USP47: variants seen among roughly 807,000 people sequenced by gnomAD.
USP47 encodes the protein ubiquitin carboxyl-terminal hydrolase 47.
USP47 carries 35 observed loss-of-function variants against 165.1 expected under a neutral mutation model. The observed-to-expected ratio is 0.21, with a 90% CI of 0.16 to 0.28. The LOEUF is 0.28. USP47 is among the 10% of genes least tolerant of loss of function. The pLI is 1.00. For synonymous variants in USP47, 531 were observed against 544.5 expected (o/e 0.98, Z 0.35); for missense variants, 1,277 against 1,607.4 (o/e 0.79, Z 3.52).
At chr11:11,950,099 A>T in intron 23 of USP47, 95 bp downstream of exon 23, 1 of 933,702 alleles carries the variant, frequency 1.1e-6, no homozygotes, top group Non-Finnish European at 1.6e-6. Flanking sequence ...GAGAATTAAA[A>T]TTTCCTGTGC....
chr11:11,936,565 A>G, intron 17 of USP47, 55 bp downstream of exon 17: 1 of 1,358,658 alleles, frequency 7.4e-7, no homozygotes, highest in East Asian at 2.4e-5. Flanking sequence ...TTCATGAGAA[A>G]GTTTTTTTTT....
rs186365042 is a variant in USP47, at chr11:11,900,547, T to C, written c.594-2168T>C. ...ACGTGATGGGTTAAATACATTGTTT[T>C]AGGAAAGTTTATATAGTGCAGTGTA... On this transcript the variant is annotated intron_variant, in intron 5 of 27. Transcript: ENST00000527733. Among the ~76,000 whole-genome samples, 306 of 152,304 alleles carry C rather than the reference T, an allele frequency of 2.0e-3. 2 individuals are homozygous for C. The highest frequency in any genetic ancestry group is 7.0e-3 in the African/African-American group (293 of 41,568).
chr11:11,882,381 A>C (rs1347339674), intron 2 of USP47, among the ~76,000 whole-genome samples: 1 of 152,122 alleles, frequency 6.6e-6, no homozygotes, highest in Non-Finnish European at 1.5e-5. Context: ...AAGATGTTTG[A>C]TGTTGCCTGA....
chr11:11,931,874 G>A (rs767063428), intron 14 of USP47, among the ~76,000 whole-genome samples: 10 of 151,972 alleles, frequency 6.6e-5, no homozygotes, highest in South Asian at 2.1e-4. Context: ...AAAAACTTTC[G>A]TAAAAATGAT....
At chr11:11,947,873 G>C in intron 20 of USP47, 72 bp from the exon 21 acceptor site, 9 of 1,461,918 alleles carry the variant, frequency 6.2e-6, no homozygotes, top group Non-Finnish European at 8.3e-6. Context: ...AAAAGTATAT[G>C]ATCTGTTTTA....
chr11:11,848,906 G>C (rs1848577160), intron 1 of USP47, among the ~76,000 whole-genome samples: 1 of 152,112 alleles, frequency 6.6e-6, no homozygotes, highest in Non-Finnish European at 1.5e-5. Flanking sequence ...ACCATGCCCA[G>C]CCGAAACTAG....
chr11:11,930,180 T>A, intron 13 of USP47, 60 bp downstream of exon 13: 1 of 1,442,558 alleles, frequency 6.9e-7, no homozygotes, highest in Non-Finnish European at 9.7e-7. Context: ...CTTCTCAGTG[T>A]TTTTTTATCA....
At chr11:11,938,466 C>T (rs1855232323) in intron 18 of USP47, 94 bp downstream of exon 18, 1 of 831,920 alleles carries the variant, frequency 1.2e-6, no homozygotes, top group Non-Finnish European at 1.9e-6. Context: ...ACATGCTTTA[C>T]CTCCAGGAGC....
At chr11:11,860,280 C>A (rs1404313354) in intron 1 of USP47, among the ~76,000 whole-genome samples, 2 of 151,558 alleles carry the variant, frequency 1.3e-5, no homozygotes, top group Admixed American at 1.3e-4. Context: ...TACCACTGAG[C>A]GGAGGATATA....
At chr11:11,898,325 G>A (rs2134421216) in intron 5 of USP47, among the ~76,000 whole-genome samples, 1 of 151,854 alleles carries the variant, frequency 6.6e-6, no homozygotes, top group South Asian at 2.1e-4. Flanking sequence ...TAATTTTTTA[G>A]TTTTTAAGGA....
At chr11:11,862,659 A>G (rs755826620) in intron 1 of USP47, among the ~76,000 whole-genome samples, 14 of 152,214 alleles carry the variant, frequency 9.2e-5, no homozygotes, top group Non-Finnish European at 2.1e-4. Flanking sequence ...GTGGTAGAAA[A>G]GCTAAGGCTA....
chr11:11,955,171 T>G lies in USP47; in HGVS notation c.3893+7T>G, dbSNP rs928756673. On this transcript the variant is annotated splice_region_variant and intron_variant, in intron 27 of 27. Transcript: ENST00000527733. ...GTGCGGTCATATTTTATAGGTAACATTCACAATGTTTTTGTTGCTGTTAGT... is the reference window on the plus strand; with the variant it reads ...GTGCGGTCATATTTTATAGGTAACAGTCACAATGTTTTTGTTGCTGTTAGT... The G allele has an allele frequency of 3.7e-6, 6 of 1,607,686 alleles. No individual in the cohort carries two copies. The Admixed American group carries it at 5.1e-5, about 14-fold the overall frequency.
At chr11:11,847,351 C>T (rs1050658250) in intron 1 of USP47, among the ~76,000 whole-genome samples, 2 of 150,840 alleles carry the variant, frequency 1.3e-5, no homozygotes, top group Admixed American at 6.6e-5. Flanking sequence ...CTTGAGTAAT[C>T]GGATCCACTT....
intron 3 of USP47, among the ~76,000 whole-genome samples, chr11:11,888,568 C>T (rs139961538): frequency 3.9e-5 from 6 of 152,090 alleles, no homozygotes; most frequent in East Asian, 1.9e-4. Flanking sequence ...ATATAGCCTA[C>T]CAATCAAAAA....
intron 3 of USP47, among the ~76,000 whole-genome samples, chr11:11,891,397 G>A (rs1266019819): frequency 6.6e-6 from 1 of 152,170 alleles, no homozygotes; most frequent in African/African-American, 2.4e-5. Context: ...AACAGAATAT[G>A]CTCTCTGATC....
intron 8 of USP47, among the ~76,000 whole-genome samples, chr11:11,908,205 CAA>C (rs1396184252): frequency 6.6e-6 from 1 of 152,152 alleles, no homozygotes; most frequent in African/African-American, 2.4e-5. Flanking sequence ...TAGTGTGCCA[CAA>C]TATTATGGGT....
rs537236167 is a variant in USP47, at chr11:11,959,409, A to G, written c.*3234A>G. The G allele has an allele frequency of 2.6e-5, 4 of 152,292 alleles. No individual in the cohort carries two copies. Among genetic ancestry groups the G allele is most frequent in the African/African-American group, 9.6e-5 (4 of 41,568 alleles). The allele number at this position is 152,292 out of a possible 1,614,324, so 9.4% of individuals were successfully genotyped here. ...ATAAGGCCATATGTCCTGAAAGGCA[A>G]AACTCTGTGTATGTGCGATTTACCA... On this transcript the variant is annotated 3_prime_UTR_variant, in exon 28 of 28. Transcript: ENST00000527733.
chr11:11,884,980 A>G (rs1379465368), intron 3 of USP47, among the ~76,000 whole-genome samples: 2 of 152,140 alleles, frequency 1.3e-5, no homozygotes, highest in South Asian at 2.1e-4. Context: ...AGTATCTGCA[A>G]GAAGGTCATT....
At chr11:11,873,147 A>G (rs1199930039) in intron 1 of USP47, among the ~76,000 whole-genome samples, 1 of 152,180 alleles carries the variant, frequency 6.6e-6, no homozygotes, top group Non-Finnish European at 1.5e-5. Flanking sequence ...ATATATTTCT[A>G]TTGTAAAAGT....
Sources: allele counts gnomAD v4.1 joint callset (sites outside exome capture counted in the v4.1 genomes callset), GRCh38; gene constraint gnomAD v4.1.1; transcripts MANE v1.5; gene names NCBI Gene and HGNC (gene_info 2026-07-23, HGNC 2026-07-21).